Variants in SMCHD1 observed in about 807,000 individuals in gnomAD.
SMCHD1 encodes structural maintenance of chromosomes flexible hinge domain containing 1.
In SMCHD1, 78 loss-of-function variants were observed where a neutral mutation model predicts 254.7. The observed-to-expected ratio is 0.31, with a 90% confidence interval of 0.26 to 0.37. SMCHD1 has a LOEUF of 0.37. Ranked by LOEUF, SMCHD1 falls within the 10% of genes least tolerant of loss-of-function variation. The pLI, the probability that SMCHD1 is intolerant of heterozygous loss-of-function variation, is 1.00. For synonymous variants in SMCHD1, 766 were observed against 794.9 expected, an observed-to-expected ratio of 0.96 and a Z score of 0.61; for missense variants, 1,840 against 2,408.1, an observed-to-expected ratio of 0.76 and a Z score of 4.94.
chr18:2,740,888 G>A lies in SMCHD1; in HGVS notation c.3633+67G>A, dbSNP rs543104573. 53 of 807,180 alleles carry A rather than the reference G, an allele frequency of 6.6e-5. 1 individual carries two copies. The South Asian group carries it at 1.2e-3, about 18-fold the overall frequency. 50.0% of individuals were successfully genotyped at this position (807,180 alleles called of 1,614,324 possible). On this transcript the variant is annotated intron_variant, in intron 28 of 47. Coordinates refer to ENST00000320876, the MANE Select transcript of SMCHD1 (RefSeq NM_015295.3). Reference sequence around the variant, plus strand: ...TGTTATATGTGTAACAAAAAGTTTGGGAAAAACTAGTATAAGAAAAAAGTT... The same window carrying A: ...TGTTATATGTGTAACAAAAAGTTTGAGAAAAACTAGTATAAGAAAAAAGTT...
chr18:2,747,938 T>C (rs1354224264), intron 30 of SMCHD1, among the ~76,000 whole-genome samples: 1 of 152,146 alleles, frequency 6.6e-6, no homozygotes, highest in Non-Finnish European at 1.5e-5. Context: ...AAATAGATAA[T>C]TAACACTGAC....
chr18:2,681,422 A>AAG, intron 5 of SMCHD1, among the ~76,000 whole-genome samples: 1 of 149,880 alleles, frequency 6.7e-6, no homozygotes, highest in Admixed American at 6.7e-5. Context: ...CAAAAAAAAA[A>AAG]AAAAAAAGGA....
At chr18:2,773,093 T>TTGTG (rs2076010785) in intron 41 of SMCHD1, among the ~76,000 whole-genome samples, 3 of 152,196 alleles carry the variant, frequency 2.0e-5, no homozygotes. Context: ...CCCTATAACT[T>TTGTG]CACAAATATA....
At chr18:2,745,347 A>G (rs1474088249) in intron 29 of SMCHD1, among the ~76,000 whole-genome samples, 2 of 152,186 alleles carry the variant, frequency 1.3e-5, no homozygotes, top group African/African-American at 2.4e-5. Flanking sequence ...AAATGAAGTC[A>G]CACAATCATG....
intron 24 of SMCHD1, among the ~76,000 whole-genome samples, chr18:2,730,270 A>C (rs889677915): frequency 2.0e-5 from 3 of 151,984 alleles, no homozygotes; most frequent in African/African-American, 7.3e-5. Flanking sequence ...TCCTGGGTTC[A>C]CGCCATTCCC....
chr18:2,665,364 A>T (rs564697272), intron 1 of SMCHD1, among the ~76,000 whole-genome samples: 1 of 151,204 alleles, frequency 6.6e-6, no homozygotes, highest in South Asian at 2.1e-4. Flanking sequence ...TCTGTTGCTC[A>T]GGCTGGAGTG....
intron 5 of SMCHD1, among the ~76,000 whole-genome samples, chr18:2,687,010 T>C (rs2143031853): frequency 6.6e-6 from 1 of 152,322 alleles, no homozygotes; most frequent in Admixed American, 6.5e-5. Flanking sequence ...ATATCTTCTC[T>C]GATCTTCTTT....
intron 5 of SMCHD1, among the ~76,000 whole-genome samples, chr18:2,676,642 C>A (rs1204771136): frequency 1.3e-5 from 2 of 152,002 alleles, no homozygotes; most frequent in Admixed American, 1.3e-4. Context: ...GGGTACTACT[C>A]CCTCACCCCA....
intron 24 of SMCHD1, 111 bp from the exon 25 acceptor site, chr18:2,732,154 G>C (rs2075153731): frequency 1.1e-5 from 8 of 740,986 alleles, no homozygotes; most frequent in Non-Finnish European, 1.8e-5. Context: ...CAAAACCTGT[G>C]AGTATAACAA....
chr18:2,774,503 C>G (rs559165352), intron 41 of SMCHD1, among the ~76,000 whole-genome samples: 1 of 152,202 alleles, frequency 6.6e-6, no homozygotes, highest in East Asian at 1.9e-4. Context: ...TCTGGACTTT[C>G]TGAGCTCAGG....
chr18:2,702,537 C>A (rs1306979785), intron 12 of SMCHD1, among the ~76,000 whole-genome samples: 2 of 151,984 alleles, frequency 1.3e-5, no homozygotes, highest in Non-Finnish European at 2.9e-5. Context: ...CTTTCTGGTT[C>A]CTAGTTACTA....
At chr18:2,750,216 A>G in intron 31 of SMCHD1, 94 bp downstream of exon 31, 1 of 1,411,948 alleles carries the variant, frequency 7.1e-7, no homozygotes, top group Non-Finnish European at 9.7e-7. Flanking sequence ...CCTTCTGTTT[A>G]ATGTTAGGCA....
intron 37 of SMCHD1, among the ~76,000 whole-genome samples, chr18:2,767,124 A>G (rs2075882083): frequency 6.6e-6 from 1 of 152,006 alleles, no homozygotes; most frequent in Admixed American, 6.6e-5. Flanking sequence ...AAGCATGGTG[A>G]CAACGCACCT....
intron 8 of SMCHD1, among the ~76,000 whole-genome samples, chr18:2,696,253 G>T (rs144437651): frequency 7.2e-5 from 11 of 152,266 alleles, no homozygotes; most frequent in Admixed American, 6.5e-5. Context: ...GAATGTTCTA[G>T]AACAGGGGTC....
At chr18:2,722,298 T>G (rs2143403559) in intron 19 of SMCHD1, among the ~76,000 whole-genome samples, 1 of 152,206 alleles carries the variant, frequency 6.6e-6, no homozygotes. Context: ...ATTAGCCAGG[T>G]GTGGTGGTAC....
At chr18:2,684,855 G>T (rs980720191) in intron 5 of SMCHD1, among the ~76,000 whole-genome samples, 2 of 151,680 alleles carry the variant, frequency 1.3e-5, no homozygotes, top group Admixed American at 6.6e-5. Flanking sequence ...AAACCACTTC[G>T]CATATAAATA....
chr18:2,751,800 G>A (rs1285767946), intron 33 of SMCHD1, among the ~76,000 whole-genome samples: 1 of 151,892 alleles, frequency 6.6e-6, no homozygotes, highest in African/African-American at 2.4e-5. Context: ...GATCATACCT[G>A]GTGTTTCTGC....
At chr18:2,785,055 T>G (rs1196025166) in intron 45 of SMCHD1, 1 of 303,608 alleles carries the variant, frequency 3.3e-6, no homozygotes, top group Admixed American at 4.8e-5. Context: ...CTAGAACAAT[T>G]AAGGCTTATT....
intron 45 of SMCHD1, among the ~76,000 whole-genome samples, chr18:2,788,510 C>G (rs925143257): frequency 6.6e-6 from 1 of 151,978 alleles, no homozygotes; most frequent in Non-Finnish European, 1.5e-5. Context: ...CTCCATTATC[C>G]CTTTCTATAT....
Sources: allele counts gnomAD v4.1 joint callset (sites outside exome capture counted in the v4.1 genomes callset), GRCh38; gene constraint gnomAD v4.1.1; transcripts MANE v1.5; gene names NCBI Gene and HGNC (gene_info 2026-07-23, HGNC 2026-07-21).